The following PRLR variants were observed in gnomAD, a reference collection of about 807,000 sequenced individuals.
PRLR encodes the protein prolactin receptor, also known as hPRL receptor.
A neutral mutation model predicts 40.2 loss-of-function variants in PRLR; 13 were observed. The ratio of observed to expected loss-of-function variants is 0.32; its 90% confidence interval spans 0.21 to 0.51. PRLR has a LOEUF of 0.51. Ranked by LOEUF, PRLR falls within the 20% of genes least tolerant of loss-of-function variation. The probability of loss-of-function intolerance (pLI) is 0.97; values close to 1 mark genes in which losing one functional copy is unlikely to be tolerated. For synonymous variants in PRLR, 269 were observed against 278.7 expected (o/e 0.97, Z 0.35); for missense variants, 656 against 747.3 (o/e 0.88, Z 1.42).
At chr5:35,171,732 A>G (rs1212179843) in intron 1 of PRLR, among the ~76,000 whole-genome samples, 3 of 152,112 alleles carry the variant, frequency 2.0e-5, no homozygotes, top group South Asian at 4.2e-4. Context: ...ATGATGGGGT[A>G]TGCCTGGGTT....
At chr5:35,094,500 G>A (rs1771411404) in intron 2 of PRLR, among the ~76,000 whole-genome samples, 1 of 152,092 alleles carries the variant, frequency 6.6e-6, no homozygotes, top group Non-Finnish European at 1.5e-5. Context: ...GTTTTGCTGA[G>A]ATTGATCAAA....
intron 4 of PRLR, among the ~76,000 whole-genome samples, 196 bp downstream of exon 4, chr5:35,086,012 T>C (rs552731265): frequency 6.6e-6 from 1 of 152,066 alleles, no homozygotes; most frequent in African/African-American, 2.4e-5. Flanking sequence ...CTGGTAACCT[T>C]ATGTATATTG....
At chr5:35,178,958 A>T (rs1331420209) in intron 1 of PRLR, among the ~76,000 whole-genome samples, 1 of 152,144 alleles carries the variant, frequency 6.6e-6, no homozygotes, top group African/African-American at 2.4e-5. Flanking sequence ...TCTCCTCATG[A>T]TGTCATAGGC....
At position 35,119,279 on chromosome 5, in the gene PRLR, T is replaced by C. The variant is rs548825080; in HGVS notation, c.-105-1157A>G. Among the ~76,000 whole-genome samples, 24 of 152,284 alleles carry C rather than the reference T, an allele frequency of 1.6e-4. No homozygotes were observed. In the South Asian group the frequency reaches 4.6e-3, roughly 29 times the overall value. On this transcript the variant is annotated intron_variant, in intron 1 of 9. Transcript: ENST00000618457. ...GATTATTCCTTGAGGAAGCCAGTGC[T>C]GAATATCCTCCATGCTGACTCAATG...
At chr5:35,165,478 T>C (rs916100787) in intron 1 of PRLR, among the ~76,000 whole-genome samples, 1 of 152,226 alleles carries the variant, frequency 6.6e-6, no homozygotes, top group African/African-American at 2.4e-5. Context: ...CAAAGGTTCT[T>C]TAGGTGTTCT....
At chr5:35,108,096 G>A (rs1772392433) in intron 2 of PRLR, among the ~76,000 whole-genome samples, 1 of 152,056 alleles carries the variant, frequency 6.6e-6, no homozygotes, top group Non-Finnish European at 1.5e-5. Context: ...ACGTAATCCA[G>A]CATATAAACA....
At chr5:35,129,550 G>A (rs556065506) in intron 1 of PRLR, among the ~76,000 whole-genome samples, 2 of 152,160 alleles carry the variant, frequency 1.3e-5, no homozygotes, top group South Asian at 4.1e-4. Flanking sequence ...AACTTAACTG[G>A]TCTCAAGACA....
intron 1 of PRLR, among the ~76,000 whole-genome samples, chr5:35,224,096 TC>T (rs1178338373): frequency 1.3e-5 from 2 of 152,178 alleles, no homozygotes; most frequent in African/African-American, 4.8e-5. Flanking sequence ...TACCCCTTGT[TC>T]CGTTTAGGTC....
At chr5:35,168,053 G>A (rs534159325) in intron 1 of PRLR, among the ~76,000 whole-genome samples, 1 of 152,070 alleles carries the variant, frequency 6.6e-6, no homozygotes, top group East Asian at 1.9e-4. Flanking sequence ...CCTGAAGAAA[G>A]TTGGTAGAGT....
chr5:35,193,032 A>T (rs1775647079), intron 1 of PRLR, among the ~76,000 whole-genome samples: 2 of 152,166 alleles, frequency 1.3e-5, no homozygotes, highest in African/African-American at 4.8e-5. Context: ...AGCCTGGCAC[A>T]TTAGGAGCAA....
At chr5:35,157,863 G>C (rs1206326163) in intron 1 of PRLR, among the ~76,000 whole-genome samples, 1 of 152,130 alleles carries the variant, frequency 6.6e-6, no homozygotes, top group African/African-American at 2.4e-5. Flanking sequence ...ACTTTTTTGT[G>C]TGTGTTCCAG....
chr5:35,175,459 G>C (rs1037245695), intron 1 of PRLR, among the ~76,000 whole-genome samples: 1 of 152,132 alleles, frequency 6.6e-6, no homozygotes, highest in East Asian at 1.9e-4. Flanking sequence ...TATAAGCAGC[G>C]TGAGGACAGA....
intron 5 of PRLR, among the ~76,000 whole-genome samples, chr5:35,073,935 GC>G (rs1347718394): frequency 1.3e-5 from 2 of 152,166 alleles, no homozygotes; most frequent in Non-Finnish European, 2.9e-5. Flanking sequence ...CCTCAATACT[GC>G]TGGTAGGAAT....
At position 35,068,275 on chromosome 5, in the gene PRLR, A is replaced by G. The variant is rs755947445; in HGVS notation, c.796T>C (p.Cys266Arg). The G allele has an allele frequency of 3.1e-6, 5 of 1,611,628 alleles. No individual in the cohort carries two copies. The Admixed American group carries it at 8.3e-5, about 27-fold the overall frequency. The change falls in exon 9 of 10, where the codon TGC becomes CGC. Residue 266 changes from cysteine to arginine, a missense_variant. Cys to Arg is a radical substitution (Grantham distance 180, BLOSUM62 -3). This residue lies in a region of PRLR where 469 missense variants were observed against 491.5 expected (regional missense o/e 0.95). Coordinates refer to ENST00000618457, the MANE Select transcript of PRLR (RefSeq NM_000949.7). ...VALKGYSMVT[C>R]IFPPVPGPKI... The stretch of plus-strand genomic sequence containing the variant: ...GGCCCAGGAACTGGCGGAAAGATGC[A>G]GGTCACCATGCTATAAAATAATTCA...
At chr5:35,166,566 T>C (rs1483063253) in intron 1 of PRLR, among the ~76,000 whole-genome samples, 1 of 152,176 alleles carries the variant, frequency 6.6e-6, no homozygotes, top group African/African-American at 2.4e-5. Flanking sequence ...TTTGGACTGA[T>C]TTTGCCAATA....
intron 1 of PRLR, among the ~76,000 whole-genome samples, chr5:35,228,734 G>A (rs1466271562): frequency 6.6e-6 from 1 of 152,156 alleles, no homozygotes; most frequent in African/African-American, 2.4e-5. Context: ...GAGCATGTGG[G>A]GAGCTCACCC....
intron 5 of PRLR, among the ~76,000 whole-genome samples, chr5:35,075,926 G>T (rs1247984628): frequency 6.6e-6 from 1 of 152,190 alleles, no homozygotes; most frequent in Non-Finnish European, 1.5e-5. Context: ...CAGGCAAACA[G>T]GGTCTGGAGT....
chr5:35,176,244 G>A (rs1305857397), intron 1 of PRLR, among the ~76,000 whole-genome samples: 2 of 151,892 alleles, frequency 1.3e-5, no homozygotes, highest in African/African-American at 2.4e-5. Context: ...CAAAAATCAA[G>A]GACTAATTTC....
intron 5 of PRLR, chr5:35,081,335 G>A (rs1406676586): frequency 2.9e-5 from 6 of 203,446 alleles, no homozygotes; most frequent in Non-Finnish European, 4.9e-5. Context: ...GCATCTGTTG[G>A]TGCTGCCAAG....
Sources: gnomAD v4.1 joint callset for allele counts (sites outside exome capture counted in the v4.1 genomes callset) on GRCh38, gnomAD v4.1.1 for gene constraint, gnomAD v4.1.1 regional missense constraint, MANE v1.5 for transcripts, NCBI Gene and HGNC (gene_info 2026-07-23, HGNC 2026-07-21) for gene names.